TAF5: variants seen among roughly 807,000 people sequenced by gnomAD.
The protein encoded by TAF5 is transcription initiation factor TFIID subunit 5.
TAF5 carries 20 observed loss-of-function variants against 80.9 expected under a neutral mutation model. The observed-to-expected ratio is 0.25, with a 90% CI of 0.17 to 0.36. The LOEUF (loss-of-function observed/expected upper bound fraction) is 0.36. Among genes scored for constraint, TAF5 ranks in the 10% least tolerant of loss-of-function variants. The pLI is 1.00. For missense variants in TAF5, 863 were observed against 1,029.4 expected (o/e 0.84, Z 2.21); for synonymous variants, 388 against 406.4 (o/e 0.95, Z 0.55).
chr10:103,368,803 G>A (rs1322349297), intron 1 of TAF5, among the ~76,000 whole-genome samples: 1 of 152,214 alleles, frequency 6.6e-6, no homozygotes, highest in Non-Finnish European at 1.5e-5. Flanking sequence ...GGAGAGGCGG[G>A]ATCTTCACGC....
Position 103,378,168 on chromosome 10 carries a change from A to T in TAF5, c.798-67A>T. Reference sequence around the variant, plus strand: ...AAATATTCTGGGATGGTTTATAAGTATATGGGGGAAAGGCAGATCCCTTAA... The same window carrying T: ...AAATATTCTGGGATGGTTTATAAGTTTATGGGGGAAAGGCAGATCCCTTAA... On this transcript the variant is annotated intron_variant, in intron 2 of 10. Coordinates refer to ENST00000369839, the MANE Select transcript of TAF5 (RefSeq NM_006951.5). The surrounding 1 kb of genome is among the most constrained non-coding windows in gnomAD (Gnocchi z 4.1). The T allele has an allele frequency of 2.9e-6, 4 of 1,391,392 alleles. No homozygotes were observed. The highest frequency in any genetic ancestry group is 4.0e-6 in the Non-Finnish European group (4 of 1,004,708). The allele number at this position is 1,391,392 out of a possible 1,614,324, so 86.2% of individuals were successfully genotyped here.
At chr10:103,387,854 T>A in intron 10 of TAF5, 152 bp from the exon 11 acceptor site, 1 of 1,052,120 alleles carries the variant, frequency 9.5e-7, no homozygotes, top group Non-Finnish European at 1.4e-6. Flanking sequence ...GTTAAAGTAC[T>A]GCTTGATAAT....
At chr10:103,370,241 AT>A (rs897188313) in intron 1 of TAF5, among the ~76,000 whole-genome samples, 12 of 143,642 alleles carry the variant, frequency 8.4e-5, no homozygotes, top group South Asian at 4.4e-4. Flanking sequence ...CAAAAAAAAA[AT>A]TTTTTTTTTA....
chr10:103,377,433 A>C (rs2093372458), intron 2 of TAF5, among the ~76,000 whole-genome samples: 1 of 152,342 alleles, frequency 6.6e-6, no homozygotes, highest in Non-Finnish European at 1.5e-5. Flanking sequence ...CTGGAGCCCT[A>C]ATATGTTTAG....
intron 1 of TAF5, among the ~76,000 whole-genome samples, chr10:103,371,093 A>G (rs1013216566): frequency 6.6e-6 from 1 of 152,136 alleles, no homozygotes; most frequent in African/African-American, 2.4e-5. Context: ...ATACAAAAAA[A>G]TTAGCTGGGC....
In TAF5 at chr10:103,379,927, A is replaced by G. The variant is rs775919477; in HGVS notation, c.1321A>G (p.Ile441Val). 6.8e-6 allele frequency: 11 copies of G among 1,613,966 alleles called. No homozygotes were observed. Among genetic ancestry groups the G allele is most frequent in the Non-Finnish European group, 8.5e-6 (10 of 1,179,998 alleles). Reference sequence around the variant, plus strand: ...GAAAGATTCAGATAAGTTGGATAAGATAATGAATATGAAAGAAACCACCAA... The same window carrying G: ...GAAAGATTCAGATAAGTTGGATAAGGTAATGAATATGAAAGAAACCACCAA... ...ELKDSDKLDK[I>V]MNMKETTKRV... The change falls in exon 5 of 11, where the codon ATA (isoleucine) becomes GTA (valine). Residue 441 changes from isoleucine (I) to valine (V), a missense_variant. Physicochemically the swap from Ile to Val is conservative, Grantham distance 29 (BLOSUM62 3). This residue lies in a region of TAF5 where 368 missense variants were observed against 461.7 expected (regional missense o/e 0.80). Transcript: ENST00000369839.
chr10:103,371,171 C>T (rs920285468), intron 1 of TAF5, among the ~76,000 whole-genome samples: 4 of 148,520 alleles, frequency 2.7e-5, no homozygotes, highest in African/African-American at 5.0e-5. Flanking sequence ...TTAACCCAGG[C>T]GGCAGAAGTT....
In TAF5 at chr10:103,367,985, G is replaced by A. The variant is rs1471946368; in HGVS notation, c.-5G>A. ...CTTGACGGCGCGAGGTGGCTCAGCCGCAAGATGGCGGCGCTGGCGGAGGAG... is the reference window on the plus strand; with the variant it reads ...CTTGACGGCGCGAGGTGGCTCAGCCACAAGATGGCGGCGCTGGCGGAGGAG... On this transcript the variant is annotated 5_prime_UTR_variant, in exon 1 of 11. Coordinates refer to ENST00000369839, the MANE Select transcript of TAF5 (RefSeq NM_006951.5). 5 of 1,457,678 alleles carry A rather than the reference G, an allele frequency of 3.4e-6. No individual in the cohort carries two copies. Among genetic ancestry groups the A allele is most frequent in the Non-Finnish European group, 3.6e-6 (4 of 1,112,380 alleles). The allele number at this position is 1,457,678 out of a possible 1,614,324, so 90.3% of individuals were successfully genotyped here.
chr10:103,379,787 C>T lies in TAF5; in HGVS notation c.1277+16C>T, dbSNP rs747267193. On this transcript the variant is annotated intron_variant, in intron 4 of 10. Coordinates refer to ENST00000369839, the MANE Select transcript of TAF5 (RefSeq NM_006951.5). ...CTCAGAACAGGTGAGGAAAAAACTT[C>T]AGGAACTTGTGTGTGGAGGTATAAG... 1.1e-5 allele frequency: 18 copies of T among 1,591,052 alleles called. No homozygotes were observed. In the South Asian group the frequency reaches 2.0e-4, roughly 18 times the overall value.
At chr10:103,371,480 C>G (rs2093359401) in intron 1 of TAF5, among the ~76,000 whole-genome samples, 1 of 152,160 alleles carries the variant, frequency 6.6e-6, no homozygotes, top group Non-Finnish European at 1.5e-5. Flanking sequence ...TGGCAACTTA[C>G]AGAAATTTCC....
intron 1 of TAF5, among the ~76,000 whole-genome samples, chr10:103,370,046 A>G (rs955410015): frequency 4.6e-5 from 7 of 151,700 alleles, no homozygotes; most frequent in Admixed American, 2.6e-4. Flanking sequence ...AGGCTGGCCG[A>G]CATGGCGAAA....
intron 2 of TAF5, among the ~76,000 whole-genome samples, chr10:103,376,646 G>T (rs1335715902): frequency 6.6e-6 from 1 of 150,734 alleles, no homozygotes; most frequent in Non-Finnish European, 1.5e-5. Context: ...TCTCTTTAAA[G>T]TACTGTCATC....
In TAF5 at chr10:103,378,565, C is replaced by CT. The variant is rs1169297537; in HGVS notation, c.1113+16dup. The CT allele has an allele frequency of 6.2e-7, 1 of 1,600,820 alleles. No homozygotes were observed. The highest frequency in any genetic ancestry group is 8.5e-7 in the Non-Finnish European group (1 of 1,173,076). The stretch of plus-strand genomic sequence containing the variant: ...ACAAATCAAAGGTATGGGAATGAAC[C>CT]TAAGAACTCTATAATGCAGATTATG... On this transcript the variant is annotated intron_variant, in intron 3 of 10. Coordinates refer to ENST00000369839, the MANE Select transcript of TAF5 (RefSeq NM_006951.5). This position sits in a 1 kb window ranked among gnomAD's most constrained non-coding sequence, Gnocchi z 4.1.
At chr10:103,386,861 C>G (rs1487364209) in intron 8 of TAF5, among the ~76,000 whole-genome samples, 1 of 151,984 alleles carries the variant, frequency 6.6e-6, no homozygotes, top group East Asian at 1.9e-4. Flanking sequence ...GACGGTGTTT[C>G]ACCATGTTGG....
intron 1 of TAF5, 35 bp from the exon 2 acceptor site, chr10:103,373,323 G>A (rs773078383): frequency 1.3e-6 from 2 of 1,577,928 alleles, no homozygotes; most frequent in Admixed American, 3.4e-5. Flanking sequence ...GTCATAATAG[G>A]TCATTTTCTT....
At position 103,368,274 on chromosome 10, in the gene TAF5, G is replaced by A. The variant is rs199846176; in HGVS notation, c.285G>A (p.Gln95=). The A allele has an allele frequency of 1.2e-5, 19 of 1,564,164 alleles. No homozygotes were observed. Among genetic ancestry groups the A allele is most frequent in the Middle Eastern group, 1.7e-4 (1 of 5,770 alleles). Residue 95 remains glutamine, a synonymous_variant, in exon 1 of 11, where the codon CAG becomes CAA. Coordinates refer to ENST00000369839, the MANE Select transcript of TAF5 (RefSeq NM_006951.5). The stretch of plus-strand genomic sequence containing the variant: ...ACGCCGGCGCTCCGCATGACCGACA[G>A]ACTCTACTGGCCGTGCTGCAGTTCC... ...APDAGAPHDR[Q]TLLAVLQFLR...
chr10:103,388,177 C>A lies in TAF5; in HGVS notation c.2357C>A (p.Thr786Asn), dbSNP rs2093402304. 6 of 1,613,900 alleles carry A rather than the reference C, an allele frequency of 3.7e-6. No individual in the cohort carries two copies. Among genetic ancestry groups the A allele is most frequent in the Non-Finnish European group, 5.1e-6 (6 of 1,180,002 alleles). The change falls in exon 11 of 11, where the codon ACT becomes AAT. Residue 786 changes from threonine (T) to asparagine (N), a missense_variant. Transcript: ENST00000369839. ...ACACCAGTTGTACACCTTCATTTTA[C>A]TCGAAGAAACCTGGTTCTAGCTGCA... ...KSTPVVHLHF[T>N]RRNLVLAAGA...
chr10:103,377,700 G>A (rs929458334), intron 2 of TAF5, among the ~76,000 whole-genome samples: 1 of 152,078 alleles, frequency 6.6e-6, no homozygotes, highest in Non-Finnish European at 1.5e-5. Context: ...TCTGGTACAT[G>A]TTTCCAATAA....
At chr10:103,381,687 A>G (rs368704443) in intron 5 of TAF5, 34 bp from the exon 6 acceptor site, 12 of 1,611,860 alleles carry the variant, frequency 7.4e-6, no homozygotes, top group Non-Finnish European at 7.6e-6. Flanking sequence ...ATATCCTAAA[A>G]TAGTATTGTT....
Sources: allele counts gnomAD v4.1 joint callset (sites outside exome capture counted in the v4.1 genomes callset), GRCh38; gene constraint gnomAD v4.1.1; regional missense constraint gnomAD v4.1.1; non-coding constraint Gnocchi (gnomAD v3.1); transcripts MANE v1.5; gene names NCBI Gene and HGNC (gene_info 2026-07-23, HGNC 2026-07-21).